MBD3L1: variants seen among roughly 807,000 people sequenced by gnomAD.
MBD3L1 encodes the protein methyl-CpG-binding domain protein 3-like 1.
For synonymous variants in MBD3L1, 84 were observed against 85.1 expected, an observed-to-expected ratio of 0.99 and a Z score of 0.07; for missense variants, 203 against 230.1, an observed-to-expected ratio of 0.88 and a Z score of 0.76.
intron 1 of MBD3L1, among the ~76,000 whole-genome samples, chr19:8,839,215 C>T (rs1443619367): frequency 2.5e-5 from 3 of 121,454 alleles, no homozygotes; most frequent in African/African-American, 1.0e-4. Context: ...GACAGAGTCT[C>T]GCACTGTCGC....
In MBD3L1 at chr19:8,843,230, G is replaced by T. The variant is rs993803868; in HGVS notation, c.552G>T (p.Val184=). 1 of 1,603,916 alleles carries T rather than the reference G, an allele frequency of 6.2e-7. No individual in the cohort carries two copies. Among genetic ancestry groups the T allele is most frequent in the Middle Eastern group, 1.7e-4 (1 of 6,004 alleles). The change falls in exon 3 of 3, where the codon GTG becomes GTT. Residue 184 remains valine, a synonymous_variant. Transcript: ENST00000595891. ...GACTCGCTAATGAGGCAGAGAAAGT[G>T]AGAGACCAAGAAGGCCGTCCTGAAA... is the stretch of plus-strand genomic sequence containing the variant. ...ADGLANEAEK[V]RDQEGRPEKR
intron 1 of MBD3L1, among the ~76,000 whole-genome samples, chr19:8,836,464 T>C (rs2145343633): frequency 6.7e-6 from 1 of 148,336 alleles, no homozygotes; most frequent in African/African-American, 2.5e-5. Flanking sequence ...TTCCTCCTCC[T>C]CCCCCCCTCT....
At chr19:8,834,251 T>G (rs2044428327) in intron 1 of MBD3L1, among the ~76,000 whole-genome samples, 1 of 152,030 alleles carries the variant, frequency 6.6e-6, no homozygotes, top group Non-Finnish European at 1.5e-5. Context: ...ACTAGGAAAG[T>G]TCACTGTGGA....
rs372880616 is a variant in MBD3L1 at position 8,843,164 on chromosome 19, G to C, written c.486G>C (p.Lys162Asn). Reference protein sequence around the residue: ...EDIRKQEGKVKTVRERLAIAL... With the variant: ...EDIRKQEGKVNTVRERLAIAL... Reference sequence around the variant, plus strand: ...TCAGGAAACAGGAAGGGAAAGTGAAGACAGTCAGAGAGAGACTCGCAATAG... The same window carrying C: ...TCAGGAAACAGGAAGGGAAAGTGAACACAGTCAGAGAGAGACTCGCAATAG... Residue 162 changes from lysine (K) to asparagine (N), a missense_variant, in exon 3 of 3, where the codon AAG (lysine) becomes AAC (asparagine). Physicochemically the swap from Lys to Asn is moderately conservative, Grantham distance 94. Coordinates refer to ENST00000595891, the MANE Select transcript of MBD3L1 (RefSeq NM_001393532.1). 2 of 1,613,684 alleles carry C rather than the reference G, an allele frequency of 1.2e-6. No homozygotes were observed. Among genetic ancestry groups the C allele is most frequent in the Admixed American group, 1.7e-5 (1 of 59,914 alleles).
chr19:8,834,311 A>G (rs1034195947), intron 1 of MBD3L1, among the ~76,000 whole-genome samples: 1 of 152,164 alleles, frequency 6.6e-6, no homozygotes, highest in African/African-American at 2.4e-5. Flanking sequence ...ATGCCAATAT[A>G]CAAAAGAATG....
At chr19:8,837,078 A>G (rs528859489) in intron 1 of MBD3L1, among the ~76,000 whole-genome samples, 1 of 152,300 alleles carries the variant, frequency 6.6e-6, no homozygotes, top group South Asian at 2.1e-4. Flanking sequence ...GTAATGCAAA[A>G]CATTTTAAAT....
At chr19:8,836,140 T>C (rs1023322888) in intron 1 of MBD3L1, among the ~76,000 whole-genome samples, 1 of 152,178 alleles carries the variant, frequency 6.6e-6, no homozygotes, top group Non-Finnish European at 1.5e-5. Context: ...CTGTACACTT[T>C]AAAAGGTTGA....
chr19:8,838,962 T>A (rs1430214533), intron 1 of MBD3L1, among the ~76,000 whole-genome samples: 2 of 152,186 alleles, frequency 1.3e-5, no homozygotes, highest in Non-Finnish European at 2.9e-5. Flanking sequence ...GTTAGCCATC[T>A]CTCAGAACAA....
rs953884379 is a variant in MBD3L1 at position 8,832,426 on chromosome 19, G to C, written c.-203G>C. On this transcript the variant is annotated 5_prime_UTR_variant, in exon 1 of 3. Transcript: ENST00000595891. Reference sequence around the variant, plus strand: ...CGGCGCTTAGGCGACAGGCGCGGCGGGCGGGAGCGGCGGCCGCGAACCCCA... The same window carrying C: ...CGGCGCTTAGGCGACAGGCGCGGCGCGCGGGAGCGGCGGCCGCGAACCCCA... 69 of 152,910 alleles carry C rather than the reference G, an allele frequency of 4.5e-4. No homozygotes were observed. The highest frequency in any genetic ancestry group is 1.7e-3 in the African/African-American group (69 of 41,474). 9.5% of individuals were successfully genotyped at this position (152,910 alleles called of 1,614,324 possible).
At position 8,842,816 on chromosome 19, in the gene MBD3L1, T is replaced by C. The variant is rs2044526361; in HGVS notation, c.138T>C (p.Pro46=). The change falls in exon 3 of 3, where the codon CCT becomes CCC. Residue 46 remains proline (P), a synonymous_variant. Transcript: ENST00000595891. ...CAGTAACGAGAATTACACCCCATCC[T>C]GGCAATGAGGTCAGATACCATCAAT... ...KRPVTRITPH[P]GNEVRYHQWE... is the part of the protein sequence containing the mutation. The C allele has an allele frequency of 6.2e-7, 1 of 1,614,098 alleles. No homozygotes were observed. Among genetic ancestry groups the C allele is most frequent in the Non-Finnish European group, 8.5e-7 (1 of 1,180,038 alleles).
At chr19:8,836,275 C>T (rs957092223) in intron 1 of MBD3L1, among the ~76,000 whole-genome samples, 4 of 152,086 alleles carry the variant, frequency 2.6e-5, no homozygotes, top group Non-Finnish European at 5.9e-5. Flanking sequence ...ATGAGTGCTT[C>T]TTCCTCAAAA....
intron 2 of MBD3L1, among the ~76,000 whole-genome samples, chr19:8,841,499 C>A (rs2044512549): frequency 6.6e-6 from 1 of 152,122 alleles, no homozygotes; most frequent in African/African-American, 2.4e-5. Context: ...ATGGTATGGG[C>A]ATTTGAATTA....
chr19:8,832,673 C>T (rs2044391824), intron 1 of MBD3L1, among the ~76,000 whole-genome samples, 151 bp downstream of exon 1: 1 of 150,516 alleles, frequency 6.6e-6, no homozygotes, highest in Admixed American at 6.6e-5. Context: ...GCTGATTGGG[C>T]AGAGACCAGT....
rs138440304 is a variant in MBD3L1, at chr19:8,842,739, G to C, written c.61G>C (p.Gly21Arg). The C allele has an allele frequency of 1.4e-5, 23 of 1,614,058 alleles. No individual in the cohort carries two copies. The highest frequency in any genetic ancestry group is 1.8e-5 in the Non-Finnish European group (21 of 1,180,044). Residue 21 changes from glycine (G) to arginine (R), a missense_variant, in exon 3 of 3, where the codon GGC (glycine) becomes CGC (arginine). Transcript: ENST00000595891. ...DCVNQCKSKP[G>R]LSTSIPLRMS... ...TGTAAACCAATGCAAATCAAAGCCT[G>C]GCTTGAGCACCTCAATCCCTTTGAG...
Position 8,842,709 on chromosome 19 carries a change from G to T in MBD3L1, c.31G>T (p.Asp11Tyr). The part of the protein sequence containing the change: MAKSSQRKQR[D>Y]CVNQCKSKPG... ...CAAGAGTTCACAGAGGAAGCAACGTGACTGTGTAAACCAATGCAAATCAAA... is the reference window on the plus strand; with the variant it reads ...CAAGAGTTCACAGAGGAAGCAACGTTACTGTGTAAACCAATGCAAATCAAA... Residue 11 changes from aspartate to tyrosine, a missense_variant, in exon 3 of 3, where the codon GAC (aspartate) becomes TAC (tyrosine). Transcript: ENST00000595891. 1.2e-6 allele frequency: 2 copies of T among 1,614,106 alleles called. No homozygotes were observed. Among genetic ancestry groups the T allele is most frequent in the South Asian group, 2.2e-5 (2 of 91,018 alleles).
At position 8,843,258 on chromosome 19, in the gene MBD3L1, C is replaced by T. The variant is rs750507069; in HGVS notation, c.580C>T (p.Arg194Cys). ...AGACCAAGAAGGCCGTCCTGAAAAA[C>T]GCTAAGAAAAAAAGGGAAGATAGTG... is the stretch of plus-strand genomic sequence containing the variant. The part of the protein sequence containing the change: ...VRDQEGRPEK[R>C] Residue 194 changes from arginine to cysteine, a missense_variant, in exon 3 of 3, where the codon CGC becomes TGC. Arg to Cys is a radical substitution (Grantham distance 180). Coordinates refer to ENST00000595891, the MANE Select transcript of MBD3L1 (RefSeq NM_001393532.1). 1.4e-4 allele frequency: 213 copies of T among 1,560,782 alleles called. No homozygotes were observed. The highest frequency in any genetic ancestry group is 3.2e-4 in the South Asian group (26 of 81,880).
At chr19:8,836,899 TA>T (rs2044461657) in intron 1 of MBD3L1, among the ~76,000 whole-genome samples, 1 of 152,146 alleles carries the variant, frequency 6.6e-6, no homozygotes, top group Non-Finnish European at 1.5e-5. Context: ...CATTATTACA[TA>T]AAGAATATTT....
At chr19:8,834,691 G>A (rs1232707278) in intron 1 of MBD3L1, among the ~76,000 whole-genome samples, 3 of 149,872 alleles carry the variant, frequency 2.0e-5, no homozygotes, top group Non-Finnish European at 4.4e-5. Context: ...AATGAAATTG[G>A]ACCTCTACTT....
intron 1 of MBD3L1, among the ~76,000 whole-genome samples, chr19:8,840,017 A>G (rs2044495545): frequency 6.6e-6 from 1 of 152,062 alleles, no homozygotes; most frequent in Non-Finnish European, 1.5e-5. Context: ...CCCCATCGCT[A>G]CTAAAAATAC....
Sources: allele counts gnomAD v4.1 joint callset (sites outside exome capture counted in the v4.1 genomes callset), GRCh38; gene constraint gnomAD v4.1.1; transcripts MANE v1.5; gene names NCBI Gene and HGNC (gene_info 2026-07-23, HGNC 2026-07-21).